The following FAAP100 variants were observed in gnomAD, a reference collection of about 807,000 sequenced individuals.
FAAP100 encodes FA core complex associated protein 100, also known as Fanconi anemia core complex-associated protein 100.
A neutral mutation model predicts 65.8 loss-of-function variants in FAAP100; 46 were observed. The ratio of observed to expected loss-of-function variants is 0.70; its 90% CI spans 0.55 to 0.89. The LOEUF is 0.89. Among genes scored for constraint, FAAP100 ranks in the 40% least tolerant of loss-of-function variants. FAAP100 has a pLI of 0.00. For missense variants in FAAP100, 1,165 were observed against 1,196.7 expected, an observed-to-expected ratio of 0.97 and a Z score of 0.39; for synonymous variants, 663 against 555.1, an observed-to-expected ratio of 1.19 and a Z score of -2.73.
rs2033031957 is a variant in FAAP100, at chr17:81,540,227, C to G, written c.*592G>C. 7.5e-6 allele frequency: 3 copies of G among 398,844 alleles called. No individual in the cohort carries two copies. Among genetic ancestry groups the G allele is most frequent in the Admixed American group, 8.8e-5 (2 of 22,740 alleles). The allele number at this position is 398,844 out of a possible 1,614,324, so 24.7% of individuals were successfully genotyped here. ...TGTGGCACGAGACCACGGGCACTTGCAGGAGCTCCCTGCATGCTGTTTTGT... is the reference window on the plus strand; with the variant it reads ...TGTGGCACGAGACCACGGGCACTTGGAGGAGCTCCCTGCATGCTGTTTTGT... On this transcript the variant is annotated 3_prime_UTR_variant, in exon 9 of 9. Coordinates refer to ENST00000327787, the MANE Select transcript of FAAP100 (RefSeq NM_025161.6).
intron 4 of FAAP100, 51 bp downstream of exon 4, chr17:81,549,155 T>A: frequency 2.7e-6 from 4 of 1,496,870 alleles, no homozygotes; most frequent in East Asian, 3.0e-5. Context: ...GGACGCTACC[T>A]CCCAAGGATG....
intron 7 of FAAP100, among the ~76,000 whole-genome samples, chr17:81,542,234 T>TATAAAAA (rs148790569): frequency 1.1e-5 from 1 of 93,956 alleles, no homozygotes; most frequent in African/African-American, 4.2e-5. Context: ...TATATATATA[T>TATAAAAA]GAAATCAGCC....
At position 81,549,259 on chromosome 17, in the gene FAAP100, A is replaced by G. The variant is rs1472539755; in HGVS notation, c.1350T>C (p.Ser450=). ...GCAGCTCCTTTATTTTCTGACCTGC[A>G]CTCTCTGTGGTCATCCTGGCTGGGC... ...MPGPARMTTE[S]AGQKIKELLS... The change falls in exon 4 of 9, where the codon AGT becomes AGC. Residue 450 remains serine (S), a synonymous_variant. Coordinates refer to ENST00000327787, the MANE Select transcript of FAAP100 (RefSeq NM_025161.6). 1 of 1,611,580 alleles carries G rather than the reference A, an allele frequency of 6.2e-7. No homozygotes were observed. Among genetic ancestry groups the G allele is most frequent in the Admixed American group, 1.7e-5 (1 of 59,870 alleles).
In FAAP100 at chr17:81,547,601, C is replaced by T. The variant is rs773561553; in HGVS notation, c.1481G>A (p.Cys494Tyr). 6 of 1,613,536 alleles carry T rather than the reference C, an allele frequency of 3.7e-6. No individual in the cohort carries two copies. The highest frequency in any genetic ancestry group is 2.2e-5 in the East Asian group (1 of 44,886). ...GCCCGTGCCGCTTGACAGCAGTGCA[C>T]AGCTCACGTTCATGGCCTCGTTGAG... is the stretch of plus-strand genomic sequence containing the variant. ...TSLNEAMNVS[C>Y]ALLSSGTGPR... The change falls in exon 5 of 9, where the codon TGT becomes TAT. Residue 494 changes from cysteine to tyrosine, a missense_variant. By Grantham distance (194) the Cys-to-Tyr change is radical (BLOSUM62 -2). Transcript: ENST00000327787.
chr17:81,550,958 G>A lies in FAAP100; in HGVS notation c.536C>T (p.Thr179Met), dbSNP rs765501161. ...QIGEVELSSY[T>M]PPAGVPGKPA... ...CTTTCCTGGGACCCCGGCTGGGGGC[G>A]TGTAGGAGGACAGCTCCACCTCACC... is the stretch of plus-strand genomic sequence containing the variant. Residue 179 changes from threonine (T) to methionine (M), a missense_variant, in exon 3 of 9, where the codon ACG becomes ATG. Coordinates refer to ENST00000327787, the MANE Select transcript of FAAP100 (RefSeq NM_025161.6). 2.2e-5 allele frequency: 35 copies of A among 1,611,932 alleles called. No homozygotes were observed. Among genetic ancestry groups the A allele is most frequent in the African/African-American group, 4.0e-5 (3 of 74,936 alleles).
intron 2 of FAAP100, 135 bp from the exon 3 acceptor site, chr17:81,551,338 G>A: frequency 1.2e-6 from 1 of 840,270 alleles, no homozygotes; most frequent in Non-Finnish European, 1.8e-6. Flanking sequence ...CAGTCCATCT[G>A]CCACATGGCC....
intron 4 of FAAP100, chr17:81,548,018 G>A (rs375715361): frequency 7.0e-5 from 49 of 697,222 alleles, no homozygotes; most frequent in East Asian, 4.8e-4. Context: ...CGCAGGGGCC[G>A]GGTGGTGCAT....
intron 3 of FAAP100, among the ~76,000 whole-genome samples, 172 bp downstream of exon 3, chr17:81,550,076 C>A (rs1408650144): frequency 6.6e-6 from 1 of 152,202 alleles, no homozygotes; most frequent in Non-Finnish European, 1.5e-5. Flanking sequence ...GGCCCACCAC[C>A]AGCCCCTGGC....
At chr17:81,543,387 G>A (rs1368194146) in intron 7 of FAAP100, among the ~76,000 whole-genome samples, 1 of 152,194 alleles carries the variant, frequency 6.6e-6, no homozygotes, top group East Asian at 1.9e-4. Flanking sequence ...CCAAAGCTGC[G>A]CTACAGTCCT....
chr17:81,551,904 G>A (rs1476931415), intron 2 of FAAP100, 24 bp downstream of exon 2: 3 of 1,532,654 alleles, frequency 2.0e-6, no homozygotes, highest in Non-Finnish European at 2.6e-6. Flanking sequence ...GTGTGCGGGA[G>A]GGAGGCCGCG....
intron 5 of FAAP100, 120 bp downstream of exon 5, chr17:81,546,789 G>T: frequency 1.9e-6 from 2 of 1,079,010 alleles, no homozygotes; most frequent in Non-Finnish European, 2.4e-6. Context: ...AGGAGCTCGA[G>T]GCTGCAGTGA....
Position 81,547,401 on chromosome 17 carries a change from A to G in FAAP100, c.1681T>C (p.Ser561Pro), listed in dbSNP as rs1210352437. 1.9e-6 allele frequency: 3 copies of G among 1,612,846 alleles called. No individual in the cohort carries two copies. In the Admixed American group the frequency reaches 5.0e-5, roughly 27 times the overall value. Residue 561 changes from serine (S) to proline (P), a missense_variant, in exon 5 of 9, where the codon TCC (serine) becomes CCC (proline). Transcript: ENST00000327787. ...SCALDLDSAC[S>P]AITYTIPVDQ... ...ACGGGGATGGTGTAGGTGATGGCGGAGCAGGCCGAGTCCAGGTCGAGAGCA... is the reference window on the plus strand; with the variant it reads ...ACGGGGATGGTGTAGGTGATGGCGGGGCAGGCCGAGTCCAGGTCGAGAGCA...
rs745479191 is a variant in FAAP100 at position 81,550,726 on chromosome 17, C to T, written c.768G>A (p.Lys256=). Residue 256 remains lysine (K), a synonymous_variant, in exon 3 of 9, where the codon AAG becomes AAA. Transcript: ENST00000327787. ...PDGQLCCVIL[K]ALVTSRSAPG... is the part of the protein sequence containing the mutation. ...GGGCTGACCTGGAGGTGACCAGGGC[C>T]TTCAGGATCACACAGCAGAGCTGGC... The T allele has an allele frequency of 2.5e-6, 4 of 1,612,728 alleles. No homozygotes were observed. The highest frequency in any genetic ancestry group is 3.4e-6 in the Non-Finnish European group (4 of 1,179,852).
At chr17:81,541,238 G>C in intron 8 of FAAP100, 71 bp downstream of exon 8, 1 of 1,475,148 alleles carries the variant, frequency 6.8e-7, no homozygotes, top group South Asian at 1.2e-5. Flanking sequence ...CGAGTGACTA[G>C]AGGGGGGCCT....
Position 81,551,251 on chromosome 17 carries a change from C to T in FAAP100, c.291-48G>A, listed in dbSNP as rs1188856215. On this transcript the variant is annotated intron_variant, in intron 2 of 8. Coordinates refer to ENST00000327787, the MANE Select transcript of FAAP100 (RefSeq NM_025161.6). ...GTCAGGCCTGGGCAGGGTGGGATTC[C>T]CACGTTCTCTTCACAATAACCTGGC... 2.8e-6 allele frequency: 4 copies of T among 1,454,530 alleles called. No homozygotes were observed. The East Asian group carries it at 1.0e-4, about 37-fold the overall frequency. 90.1% of individuals were successfully genotyped at this position (1,454,530 alleles called of 1,614,324 possible).
In FAAP100 at chr17:81,541,406, C is replaced by A; in HGVS notation, c.2428-11G>T. ...CTCTGTCACCATCGTCTGGGGGACA[C>A]AGGAGACATGCTGGAGAGGGTGTGC... On this transcript the variant is annotated splice_polypyrimidine_tract_variant and intron_variant, in intron 7 of 8. Coordinates refer to ENST00000327787, the MANE Select transcript of FAAP100 (RefSeq NM_025161.6). The A allele has an allele frequency of 6.3e-7, 1 of 1,593,098 alleles. No individual in the cohort carries two copies. Among genetic ancestry groups the A allele is most frequent in the Non-Finnish European group, 8.6e-7 (1 of 1,165,388 alleles).
Position 81,552,004 on chromosome 17 carries a change from G to A in FAAP100, c.214C>T (p.Pro72Ser), listed in dbSNP as rs1319546708. ...DQVWHLELLA[P>S]RRLLYALCAR... The stretch of plus-strand genomic sequence containing the variant: ...CACAGCGCGTACAGCAACCTGCGCG[G>A]CGCCAGCAGCTCCAGGTGCCACACC... Residue 72 changes from proline (P) to serine (S), a missense_variant, in exon 2 of 9, where the codon CCG (proline) becomes TCG (serine). Physicochemically the swap from Pro to Ser is moderately conservative, Grantham distance 74. Coordinates refer to ENST00000327787, the MANE Select transcript of FAAP100 (RefSeq NM_025161.6). 4 of 1,564,662 alleles carry A rather than the reference G, an allele frequency of 2.6e-6. No individual in the cohort carries two copies. Among genetic ancestry groups the A allele is most frequent in the Admixed American group, 1.8e-5 (1 of 56,318 alleles).
rs755089715 is a variant in FAAP100, at chr17:81,551,901, G to T, written c.290+27C>A. On this transcript the variant is annotated intron_variant, in intron 2 of 8. Coordinates refer to ENST00000327787, the MANE Select transcript of FAAP100 (RefSeq NM_025161.6). ...AGTCCGGGGGCAGCAGGAGTGTGCG[G>T]GAGGGAGGCCGCGGGCCCGCCCTCA... 63 of 1,531,898 alleles carry T rather than the reference G, an allele frequency of 4.1e-5. No individual in the cohort carries two copies. In the African/African-American group the frequency reaches 7.6e-4, roughly 19 times the overall value. 94.9% of individuals were successfully genotyped at this position (1,531,898 alleles called of 1,614,324 possible).
chr17:81,540,994 G>T, intron 8 of FAAP100, 44 bp from the exon 9 acceptor site: 1 of 1,526,048 alleles, frequency 6.6e-7, no homozygotes, highest in Non-Finnish European at 8.8e-7. Context: ...ACCTGGCCCT[G>T]GGGATGTCAC....
Sources: gnomAD v4.1 joint callset for allele counts (sites outside exome capture counted in the v4.1 genomes callset) on GRCh38, gnomAD v4.1.1 for gene constraint, MANE v1.5 for transcripts, NCBI Gene and HGNC (gene_info 2026-07-23, HGNC 2026-07-21) for gene names.